The following NTNG1 variants were observed in gnomAD, a reference collection of about 807,000 sequenced individuals.
NTNG1 encodes the protein netrin-G1.
A neutral mutation model predicts 54.0 loss-of-function variants in NTNG1; 16 were observed. That is an observed-to-expected ratio of 0.30 (90% CI 0.20 to 0.45). The LOEUF (loss-of-function observed/expected upper bound fraction) is 0.45. NTNG1 is among the 20% of genes least tolerant of loss of function. The pLI is 1.00. For synonymous variants in NTNG1, 255 were observed against 263.1 expected (o/e 0.97, Z 0.30); for missense variants, 530 against 678.7 (o/e 0.78, Z 2.43).
intron 2 of NTNG1, among the ~76,000 whole-genome samples, chr1:107,252,034 T>A (rs929892355): frequency 2.4e-4 from 36 of 152,324 alleles, no homozygotes; most frequent in African/African-American, 8.2e-4. Context: ...AGTATGTTAC[T>A]CAATTTCTTT....
At chr1:107,239,792 A>T (rs897379939) in intron 2 of NTNG1, among the ~76,000 whole-genome samples, 1 of 146,292 alleles carries the variant, frequency 6.8e-6, no homozygotes, top group Non-Finnish European at 1.5e-5. Context: ...GTGGTTAAAT[A>T]AAAAAAAAAT....
intron 2 of NTNG1, among the ~76,000 whole-genome samples, chr1:107,256,911 T>C (rs1369579399): frequency 6.6e-6 from 1 of 152,192 alleles, no homozygotes; most frequent in Non-Finnish European, 1.5e-5. Flanking sequence ...ATGTCCAAAT[T>C]GTTATTTTTT....
rs78978582 is a variant in NTNG1 at position 107,320,427 on chromosome 1, T to C, written c.247-3855T>C. Among the ~76,000 whole-genome samples, 951 of 152,252 alleles carry C rather than the reference T, an allele frequency of 6.2e-3. 10 individuals carry two copies. Among genetic ancestry groups the C allele is most frequent in the African/African-American group, 0.022 (897 of 41,566 alleles). ...AGTCAGAAAAAGTTGCATTTTCTTA[T>C]ATAAATTTCATTGTTGATGTTATTA... On this transcript the variant is annotated intron_variant, in intron 2 of 7. Transcript: ENST00000370068.
At chr1:107,243,919 G>T (rs1031432632) in intron 2 of NTNG1, among the ~76,000 whole-genome samples, 1 of 152,066 alleles carries the variant, frequency 6.6e-6, no homozygotes, top group African/African-American at 2.4e-5. Flanking sequence ...TAGGCATTTT[G>T]TCCAGTGAAG....
intron 3 of NTNG1, among the ~76,000 whole-genome samples, chr1:107,355,359 T>A (rs941618130): frequency 6.6e-6 from 1 of 152,024 alleles, no homozygotes; most frequent in African/African-American, 2.4e-5. Context: ...GCTTTGTGAG[T>A]TTTTTTAATT....
intron 4 of NTNG1, among the ~76,000 whole-genome samples, chr1:107,406,410 A>G (rs1276561730): frequency 1.3e-5 from 2 of 152,146 alleles, no homozygotes; most frequent in Non-Finnish European, 1.5e-5. Context: ...GCCGCACACC[A>G]TGTGTCAGAC....
In NTNG1 at chr1:107,254,233, A is replaced by G. The variant is rs535459614; in HGVS notation, c.247-70049A>G. Among the ~76,000 whole-genome samples, 37 of 152,340 alleles carry G rather than the reference A, an allele frequency of 2.4e-4. No individual in the cohort carries two copies. The South Asian group carries it at 7.2e-3, about 30-fold the overall frequency. On this transcript the variant is annotated intron_variant, in intron 2 of 7. Transcript: ENST00000370068. ...GTAGCCATCAGATCTGTTTAACATC[A>G]GGAGAAACAACTGATGATAAAATTG...
intron 3 of NTNG1, among the ~76,000 whole-genome samples, chr1:107,370,974 T>G (rs1264189367): frequency 6.6e-6 from 1 of 152,144 alleles, no homozygotes; most frequent in Non-Finnish European, 1.5e-5. Flanking sequence ...TTATTTCTAA[T>G]AGCTTATTTT....
chr1:107,347,370 C>T (rs1251763655), intron 3 of NTNG1, among the ~76,000 whole-genome samples: 1 of 152,112 alleles, frequency 6.6e-6, no homozygotes, highest in Non-Finnish European at 1.5e-5. Context: ...GAAAAATTAG[C>T]TGGGCATGGT....
At chr1:107,428,558 A>G (rs1315944873) in intron 5 of NTNG1, among the ~76,000 whole-genome samples, 2 of 152,104 alleles carry the variant, frequency 1.3e-5, no homozygotes, top group African/African-American at 4.8e-5. Context: ...AGAACAGCCA[A>G]TAAGAGACCT....
chr1:107,277,156 A>T (rs891867910), intron 2 of NTNG1, among the ~76,000 whole-genome samples: 4 of 152,224 alleles, frequency 2.6e-5, no homozygotes, highest in Non-Finnish European at 4.4e-5. Context: ...CACCAGAGGG[A>T]GCTTTGTATC....
At chr1:107,466,928 A>C (rs1677643127) in intron 7 of NTNG1, among the ~76,000 whole-genome samples, 1 of 152,170 alleles carries the variant, frequency 6.6e-6, no homozygotes, top group South Asian at 2.1e-4. Flanking sequence ...CCCCCTTTTC[A>C]GGTCCACTAA....
intron 3 of NTNG1, 128 bp from the exon 4 acceptor site, chr1:107,395,026 A>G (rs1215184452): frequency 2.7e-6 from 2 of 739,426 alleles, no homozygotes; most frequent in East Asian, 2.5e-5. Flanking sequence ...CTGCAAATCT[A>G]TCTCTTACTA....
At chr1:107,324,215 C>G (rs903614157) in intron 2 of NTNG1, 67 bp from the exon 3 acceptor site, 1 of 1,459,220 alleles carries the variant, frequency 6.9e-7, no homozygotes, top group African/African-American at 1.4e-5. Flanking sequence ...TACTGAGCAA[C>G]AGCAATATGG....
chr1:107,141,735 G>T (rs776827736), intron 1 of NTNG1, among the ~76,000 whole-genome samples: 17 of 152,016 alleles, frequency 1.1e-4, no homozygotes, highest in Non-Finnish European at 2.2e-4. Flanking sequence ...TGTTGTGTCC[G>T]GAGCCCAGGC....
chr1:107,401,712 G>A (rs1570878398), intron 4 of NTNG1, among the ~76,000 whole-genome samples: 4 of 150,824 alleles, frequency 2.7e-5, no homozygotes, highest in Admixed American at 2.6e-4. Context: ...TAATTTGAGG[G>A]CTGAATAATA....
At chr1:107,425,730 T>C (rs1182384619) in intron 5 of NTNG1, among the ~76,000 whole-genome samples, 2 of 152,092 alleles carry the variant, frequency 1.3e-5, no homozygotes, top group Non-Finnish European at 2.9e-5. Flanking sequence ...GACAGTTCTA[T>C]TTTTAGTTCT....
intron 2 of NTNG1, among the ~76,000 whole-genome samples, chr1:107,226,238 T>C (rs1209441805): frequency 1.3e-5 from 2 of 152,150 alleles, no homozygotes; most frequent in Non-Finnish European, 2.9e-5. Context: ...CGGTGTACTC[T>C]TGTGAGTCTT....
intron 2 of NTNG1, among the ~76,000 whole-genome samples, chr1:107,201,590 A>G (rs1284208364): frequency 6.6e-6 from 1 of 151,758 alleles, no homozygotes; most frequent in Non-Finnish European, 1.5e-5. Context: ...TGTATTCTTG[A>G]TCACATATTG....
Sources: allele counts gnomAD v4.1 joint callset (sites outside exome capture counted in the v4.1 genomes callset), GRCh38; gene constraint gnomAD v4.1.1; transcripts MANE v1.5; gene names NCBI Gene and HGNC (gene_info 2026-07-23, HGNC 2026-07-21).